HEATR6: variants seen among roughly 807,000 people sequenced by gnomAD.
HEATR6 encodes the protein HEAT repeat containing 6, also known as HEAT repeat-containing protein 6.
Under a neutral mutation model 132.8 loss-of-function variants are expected in HEATR6, and 106 were observed. That is an observed-to-expected ratio of 0.80 (90% CI 0.68 to 0.94). The LOEUF (loss-of-function observed/expected upper bound fraction) is 0.94, where lower values mean the gene tolerates loss of function less well. Ranked by LOEUF, HEATR6 falls within the 40% of genes least tolerant of loss-of-function variation. The pLI, the probability that HEATR6 is intolerant of heterozygous loss-of-function variation, is 0.00. For synonymous variants in HEATR6, 529 were observed against 537.8 expected (o/e 0.98, Z 0.23); for missense variants, 1,339 against 1,425.1 (o/e 0.94, Z 0.97).
intron 9 of HEATR6, 114 bp from the exon 10 acceptor site, chr17:60,060,210 A>G (rs753192615): frequency 1.4e-5 from 10 of 735,248 alleles, no homozygotes; most frequent in Non-Finnish European, 2.2e-5. Context: ...TGGAAGAATA[A>G]AGGCAATGGG....
Position 60,067,428 on chromosome 17 carries a change from T to A in HEATR6, c.1238+6A>T. The A allele has an allele frequency of 2.6e-6, 4 of 1,519,268 alleles. No homozygotes were observed. Among genetic ancestry groups the A allele is most frequent in the Non-Finnish European group, 3.5e-6 (4 of 1,136,246 alleles). The allele number at this position is 1,519,268 out of a possible 1,614,324, so 94.1% of individuals were successfully genotyped here. On this transcript the variant is annotated splice_donor_region_variant and intron_variant, in intron 8 of 19. Coordinates refer to ENST00000184956, the MANE Select transcript of HEATR6 (RefSeq NM_022070.5). The stretch of plus-strand genomic sequence containing the variant: ...AAGGTATAAAAATGTAACAAAATAC[T>A]ACTACCTCATTTTACTCTGCATGCC...
intron 19 of HEATR6, among the ~76,000 whole-genome samples, chr17:60,045,322 C>T (rs1463139609): frequency 1.3e-5 from 2 of 152,188 alleles, no homozygotes; most frequent in Non-Finnish European, 2.9e-5. Flanking sequence ...GTGTGCTCTC[C>T]TCTCCAGGAA....
Position 60,073,729 on chromosome 17 carries a change from A to G in HEATR6, c.468+17T>C. 6.2e-7 allele frequency: 1 copy of G among 1,612,356 alleles called. No individual in the cohort carries two copies. The highest frequency in any genetic ancestry group is 1.7e-5 in the Admixed American group (1 of 59,740). On this transcript the variant is annotated intron_variant, in intron 3 of 19. Coordinates refer to ENST00000184956, the MANE Select transcript of HEATR6 (RefSeq NM_022070.5). ...GCTCCTGGCCTTTCAAAGGAAGGAT[A>G]AAGCACTTTAAACTACCTTTTGACA...
chr17:60,048,169 AACT>A, intron 17 of HEATR6, 92 bp downstream of exon 17: 3 of 1,309,388 alleles, frequency 2.3e-6, no homozygotes, highest in Non-Finnish European at 3.1e-6. Context: ...AATATGCGGG[AACT>A]ACTGCTGATT....
At position 60,051,054 on chromosome 17, in the gene HEATR6, T is replaced by C. The variant is rs149224229; in HGVS notation, c.2290-77A>G. 5.7e-4 allele frequency: 851 copies of C among 1,490,410 alleles called. 4 individuals carry two copies. The African/African-American group carries it at 9.6e-3, about 17-fold the overall frequency. The allele number at this position is 1,490,410 out of a possible 1,614,324, so 92.3% of individuals were successfully genotyped here. On this transcript the variant is annotated intron_variant, in intron 14 of 19. Transcript: ENST00000184956. The stretch of plus-strand genomic sequence containing the variant: ...AACTTGGAGCTAAGCCTACCAGAAA[T>C]GGCCTTAGTGAAACATTTTCCCTTA...
chr17:60,078,345 T>C (rs2083306755), intron 1 of HEATR6, among the ~76,000 whole-genome samples: 1 of 152,194 alleles, frequency 6.6e-6, no homozygotes, highest in African/African-American at 2.4e-5. Context: ...CCGTGTACCA[T>C]GTACGCAATA....
chr17:60,074,070 C>A lies in HEATR6; in HGVS notation c.328-184G>T, dbSNP rs2083284701. 12 of 1,299,550 alleles carry A rather than the reference C, an allele frequency of 9.2e-6. No individual in the cohort carries two copies. In the South Asian group the frequency reaches 2.5e-4, roughly 28 times the overall value. The allele number at this position is 1,299,550 out of a possible 1,614,324, so 80.5% of individuals were successfully genotyped here. On this transcript the variant is annotated intron_variant, in intron 2 of 19. Transcript: ENST00000184956. ...ATCAACGTAGGGGCCTTCTCCCCAC[C>A]CCAAGGTCTTGCTCACTTCTTCCTC...
chr17:60,068,805 C>CGAAG (rs2083255437), intron 7 of HEATR6, among the ~76,000 whole-genome samples: 3 of 152,090 alleles, frequency 2.0e-5, no homozygotes, highest in African/African-American at 4.8e-5. Context: ...CTCCTCTTCC[C>CGAAG]CCTCCATTTA....
In HEATR6 at chr17:60,048,319, G is replaced by A. The variant is rs767503745; in HGVS notation, c.2617C>T (p.Arg873Ter). Residue 873 changes from arginine (R) to a stop codon, truncating the protein, a stop_gained, in exon 17 of 20, where the codon CGA (arginine) becomes TGA (stop). Transcript: ENST00000184956. LOFTEE classifies it high-confidence loss of function. ...MSLEDKSLNV[R>*]AKAAWSLGNL... ...CCCAGGGACCAGGCTGCTTTGGCTC[G>A]AACATTCAGAGACTTGTCTTCAAGT... 8.7e-6 allele frequency: 14 copies of A among 1,613,440 alleles called. No individual in the cohort carries two copies. Among genetic ancestry groups the A allele is most frequent in the East Asian group, 2.2e-5 (1 of 44,894 alleles).
chr17:60,077,525 C>A (rs1010926849), intron 1 of HEATR6, among the ~76,000 whole-genome samples: 46 of 152,346 alleles, frequency 3.0e-4, no homozygotes, highest in African/African-American at 1.1e-3. Context: ...ATTCTGTAGT[C>A]AATTCTTTCA....
chr17:60,062,206 A>T (rs1178629981), intron 9 of HEATR6, among the ~76,000 whole-genome samples: 1 of 152,328 alleles, frequency 6.6e-6, no homozygotes, highest in Middle Eastern at 3.4e-3. Context: ...TTTTGCTCTT[A>T]TATCAATATT....
Position 60,059,742 on chromosome 17 carries a change from C to G in HEATR6, c.1623+148G>C, listed in dbSNP as rs1024362018. ...TACAGAGATTATAGATAAGATCAGA[C>G]GAGTAGGTACAGACTTCCAAATAGT... On this transcript the variant is annotated intron_variant, in intron 10 of 19. Coordinates refer to ENST00000184956, the MANE Select transcript of HEATR6 (RefSeq NM_022070.5). 1.0e-5 allele frequency: 7 copies of G among 693,090 alleles called. No homozygotes were observed. The African/African-American group carries it at 1.3e-4, about 13-fold the overall frequency. 42.9% of individuals were successfully genotyped at this position (693,090 alleles called of 1,614,324 possible).
intron 11 of HEATR6, 49 bp downstream of exon 11, chr17:60,059,373 C>T: frequency 9.7e-7 from 1 of 1,028,222 alleles, no homozygotes; most frequent in Non-Finnish European, 1.5e-6. Context: ...TACTAATAGT[C>T]TGCATCTGAC....
chr17:60,067,186 C>T (rs879581504), intron 8 of HEATR6, among the ~76,000 whole-genome samples: 5 of 146,792 alleles, frequency 3.4e-5, no homozygotes, highest in South Asian at 2.2e-4. Flanking sequence ...AGGAGAATGG[C>T]GTGAACCCGG....
At chr17:60,064,197 T>A in intron 9 of HEATR6, among the ~76,000 whole-genome samples, 1 of 152,052 alleles carries the variant, frequency 6.6e-6, no homozygotes, top group Non-Finnish European at 1.5e-5. Context: ...TAGTCCCAGC[T>A]CCTCGGGAGG....
intron 1 of HEATR6, among the ~76,000 whole-genome samples, chr17:60,077,443 A>G (rs1040734568): frequency 6.6e-6 from 1 of 152,236 alleles, no homozygotes; most frequent in South Asian, 2.1e-4. Flanking sequence ...AAAGTATCCA[A>G]TTACACAAAT....
At chr17:60,053,763 T>C (rs1363764865) in intron 14 of HEATR6, among the ~76,000 whole-genome samples, 1 of 152,202 alleles carries the variant, frequency 6.6e-6, no homozygotes, top group Non-Finnish European at 1.5e-5. Flanking sequence ...ACTTAGGGTA[T>C]CTGGTGAAAG....
intron 1 of HEATR6, among the ~76,000 whole-genome samples, chr17:60,077,907 T>G (rs942443284): frequency 6.6e-6 from 1 of 152,062 alleles, no homozygotes; most frequent in African/African-American, 2.4e-5. Flanking sequence ...AATACCTGAG[T>G]TGGTCAGGAT....
intron 1 of HEATR6, among the ~76,000 whole-genome samples, chr17:60,078,220 C>G (rs1344357823): frequency 6.6e-6 from 1 of 152,130 alleles, no homozygotes; most frequent in Non-Finnish European, 1.5e-5. Flanking sequence ...TGTGTAGGAA[C>G]AGAAAACATA....
Sources: allele counts gnomAD v4.1 joint callset (sites outside exome capture counted in the v4.1 genomes callset), GRCh38; gene constraint gnomAD v4.1.1; transcripts MANE v1.5; gene names NCBI Gene and HGNC (gene_info 2026-07-23, HGNC 2026-07-21).